Variants in EEF1AKMT4 observed in about 807,000 individuals in gnomAD.
EEF1AKMT4 encodes the protein EEF1A lysine methyltransferase 4.
Under a neutral mutation model 23.0 loss-of-function variants are expected in EEF1AKMT4, and 17 were observed. That is an observed-to-expected ratio of 0.74 (90% CI 0.51 to 1.11). EEF1AKMT4 has a LOEUF of 1.11. EEF1AKMT4 is among the 50% of genes least tolerant of loss of function. The pLI is 0.00. For synonymous variants in EEF1AKMT4, 140 were observed against 141.4 expected, an observed-to-expected ratio of 0.99 and a Z score of 0.07; for missense variants, 318 against 333.4, an observed-to-expected ratio of 0.95 and a Z score of 0.36.
chr3:184,253,673 T>C (rs1373169654), intron 1 of EEF1AKMT4, among the ~76,000 whole-genome samples: 1 of 146,132 alleles, frequency 6.8e-6, no homozygotes, highest in Non-Finnish European at 1.5e-5. Flanking sequence ...ATAGTGTCTT[T>C]TTTTTTTTTT....
Position 184,258,491 on chromosome 3 carries a change from C to A in EEF1AKMT4, c.684C>A (p.Ile228=). 1 of 1,613,732 alleles carries A rather than the reference C, an allele frequency of 6.2e-7. No homozygotes were observed. Among genetic ancestry groups the A allele is most frequent in the Non-Finnish European group, 8.5e-7 (1 of 1,179,830 alleles). Residue 228 remains isoleucine, a synonymous_variant, in exon 3 of 3, where the codon ATC becomes ATA. Transcript: ENST00000324557. Reference sequence around the variant, plus strand: ...CCCAGCTGGCTCTGGGGGCCCAAATCCTCTCACCCCCCAGACCTCCCACCT... The same window carrying A: ...CCCAGCTGGCTCTGGGGGCCCAAATACTCTCACCCCCCAGACCTCCCACCT... ...SVAQLALGAQ[I]LSPPRPPTSP...
rs765877189 is a variant in EEF1AKMT4 at position 184,258,271 on chromosome 3, CTCTG to C, written c.481-12_481-9del. On this transcript the variant is annotated splice_polypyrimidine_tract_variant and intron_variant, in intron 2 of 2. Transcript: ENST00000324557. The stretch of plus-strand genomic sequence containing the variant: ...AAGATCCACTTCTCACCAATGGCTT[CTCTG>C]TCTGCCTTGCAGGTGAGCCGCGTGC... The C allele has an allele frequency of 2.7e-5, 43 of 1,597,030 alleles. No individual in the cohort carries two copies. In the East Asian group the frequency reaches 4.7e-4, roughly 17 times the overall value.
chr3:184,257,437 C>T (rs370877937), intron 1 of EEF1AKMT4, 36 bp from the exon 2 acceptor site: 32 of 1,567,366 alleles, frequency 2.0e-5, no homozygotes, highest in African/African-American at 1.9e-4. Flanking sequence ...CCAAAACTAA[C>T]GTAGCTCTTT....
In EEF1AKMT4 at chr3:184,249,763, C is replaced by T. The variant is rs761335842; in HGVS notation, c.69C>T (p.Val23=). ...LPERNCGYRE[V]EYWDQRYQGA... The stretch of plus-strand genomic sequence containing the variant: ...AGCGGAACTGCGGGTACCGCGAAGT[C>T]GAGTACTGGGATCAGCGCTACCAAG... The change falls in exon 1 of 3, where the codon GTC becomes GTT. Residue 23 remains valine (V), a synonymous_variant. Transcript: ENST00000324557. The T allele has an allele frequency of 1.9e-6, 3 of 1,613,228 alleles. No individual in the cohort carries two copies. The highest frequency in any genetic ancestry group is 2.2e-5 in the East Asian group (1 of 44,878).
chr3:184,257,361 A>G, intron 1 of EEF1AKMT4, 112 bp from the exon 2 acceptor site: 2 of 1,098,668 alleles, frequency 1.8e-6, no homozygotes, highest in Non-Finnish European at 2.6e-6. Flanking sequence ...TCCTCTCAGT[A>G]CTAGAGGGTT....
chr3:184,254,193 G>A (rs1441526715), intron 1 of EEF1AKMT4, among the ~76,000 whole-genome samples: 4 of 152,102 alleles, frequency 2.6e-5, no homozygotes, highest in African/African-American at 9.7e-5. Context: ...GCAAATGAAT[G>A]TATATGGATG....
intron 1 of EEF1AKMT4, among the ~76,000 whole-genome samples, chr3:184,254,629 C>T (rs1032672991): frequency 6.0e-5 from 9 of 149,822 alleles, no homozygotes; most frequent in South Asian, 2.1e-4. Context: ...AGGAGAATGG[C>T]GTGAACCTGG....
chr3:184,252,055 T>G (rs1163859356), intron 1 of EEF1AKMT4, among the ~76,000 whole-genome samples: 1 of 152,210 alleles, frequency 6.6e-6, no homozygotes, highest in African/African-American at 2.4e-5. Context: ...CTTAGATCTG[T>G]TTTCTCAAGC....
At chr3:184,258,161 T>G (rs141046780) in intron 2 of EEF1AKMT4, 127 bp from the exon 3 acceptor site, 1 of 914,076 alleles carries the variant, frequency 1.1e-6, no homozygotes, top group Non-Finnish European at 1.7e-6. Flanking sequence ...CTCTTTGCCA[T>G]GGAAAGCCTG....
chr3:184,251,564 A>C (rs1032665692), intron 1 of EEF1AKMT4, among the ~76,000 whole-genome samples: 1 of 151,972 alleles, frequency 6.6e-6, no homozygotes, highest in African/African-American at 2.4e-5. Context: ...TTAGCTGGGC[A>C]TGGTGGCCTG....
Position 184,257,685 on chromosome 3 carries a change from C to A in EEF1AKMT4, c.409C>A (p.Leu137Met), listed in dbSNP as rs1004417606. The stretch of plus-strand genomic sequence containing the variant: ...CGAGAAGGGCACGCTGGATGCCCTG[C>A]TGGCTGGGGAACGAGATCCCTGGAC... Reference protein sequence around the residue: ...VLEKGTLDALLAGERDPWTVS... With the variant: ...VLEKGTLDALMAGERDPWTVS... Residue 137 changes from leucine (L) to methionine (M), a missense_variant, in exon 2 of 3, where the codon CTG (leucine) becomes ATG (methionine). By Grantham distance (15) the Leu-to-Met change is conservative. Transcript: ENST00000324557. The A allele has an allele frequency of 6.2e-7, 1 of 1,614,174 alleles. No homozygotes were observed. Among genetic ancestry groups the A allele is most frequent in the Non-Finnish European group, 8.5e-7 (1 of 1,180,034 alleles).
Position 184,257,496 on chromosome 3 carries a change from T to C in EEF1AKMT4, c.220T>C (p.Tyr74His). 6.2e-7 allele frequency: 1 copy of C among 1,608,292 alleles called. No homozygotes were observed. The highest frequency in any genetic ancestry group is 8.5e-7 in the Non-Finnish European group (1 of 1,175,240). Residue 74 changes from tyrosine to histidine, a missense_variant, in exon 2 of 3, where the codon TAC (tyrosine) becomes CAC (histidine). Physicochemically the swap from Tyr to His is moderately conservative, Grantham distance 83. Transcript: ENST00000324557. ...VLGCGNSALS[Y>H]ELFLGGFPNV... ...AGGTTGCGGGAACAGTGCCCTGAGCTACGAGCTGTTCCTCGGAGGCTTCCC... is the reference window on the plus strand; with the variant it reads ...AGGTTGCGGGAACAGTGCCCTGAGCCACGAGCTGTTCCTCGGAGGCTTCCC...
chr3:184,252,167 G>C (rs1719588591), intron 1 of EEF1AKMT4, among the ~76,000 whole-genome samples: 1 of 152,154 alleles, frequency 6.6e-6, no homozygotes, highest in South Asian at 2.1e-4. Flanking sequence ...TGTTCAACAA[G>C]CTTCACAGCA....
chr3:184,253,563 C>A (rs1392071870), intron 1 of EEF1AKMT4, among the ~76,000 whole-genome samples: 1 of 152,106 alleles, frequency 6.6e-6, no homozygotes, highest in Non-Finnish European at 1.5e-5. Flanking sequence ...GCGATAGAGG[C>A]CTGGGTCCAA....
In EEF1AKMT4 at chr3:184,253,755, C is replaced by T. The variant is rs533710897; in HGVS notation, c.197-3718C>T. ...TGCAATCTCAGCTCACTGCAAACTCCACCTCCTGGGTTCAAGCGATTCTCC... is the reference window on the plus strand; with the variant it reads ...TGCAATCTCAGCTCACTGCAAACTCTACCTCCTGGGTTCAAGCGATTCTCC... On this transcript the variant is annotated intron_variant, in intron 1 of 2. Coordinates refer to ENST00000324557, the MANE Select transcript of EEF1AKMT4 (RefSeq NM_032331.4). Among the ~76,000 whole-genome samples the T allele has an allele frequency of 4.0e-5, 6 of 150,926 alleles. No individual in the cohort carries two copies. In the South Asian group the frequency reaches 1.3e-3, roughly 32 times the overall value.
chr3:184,253,978 C>T (rs542842788), intron 1 of EEF1AKMT4, among the ~76,000 whole-genome samples: 1 of 152,200 alleles, frequency 6.6e-6, no homozygotes, highest in South Asian at 2.1e-4. Context: ...CCAATAGTAT[C>T]CTTTATATGG....
intron 1 of EEF1AKMT4, among the ~76,000 whole-genome samples, chr3:184,254,185 A>T (rs1402982418): frequency 1.4e-4 from 22 of 152,154 alleles, no homozygotes; most frequent in Non-Finnish European, 1.5e-5. Context: ...TCCTCATAGC[A>T]AATGAATGTA....
At chr3:184,255,268 T>G (rs960313331) in intron 1 of EEF1AKMT4, among the ~76,000 whole-genome samples, 2 of 152,224 alleles carry the variant, frequency 1.3e-5, no homozygotes, top group African/African-American at 4.8e-5. Flanking sequence ...CCATCCCATG[T>G]GCTGTATCTA....
intron 1 of EEF1AKMT4, among the ~76,000 whole-genome samples, chr3:184,253,903 C>T (rs1337845007): frequency 6.6e-6 from 1 of 152,186 alleles, no homozygotes; most frequent in African/African-American, 2.4e-5. Flanking sequence ...TTCCTGACCT[C>T]AAGTGATCTG....
Sources: gnomAD v4.1 joint callset for allele counts (sites outside exome capture counted in the v4.1 genomes callset) on GRCh38, gnomAD v4.1.1 for gene constraint, MANE v1.5 for transcripts, NCBI Gene and HGNC (gene_info 2026-07-23, HGNC 2026-07-21) for gene names.